The following NUDT19 variants were observed in gnomAD, a reference collection of about 807,000 sequenced individuals.
NUDT19 encodes nudix hydrolase 19.
NUDT19 carries 31 observed loss-of-function variants against 22.2 expected under a neutral mutation model. The ratio of observed to expected loss-of-function variants is 1.40; its 90% CI spans 1.05 to 1.89. The LOEUF is 1.89. Among genes scored for constraint, NUDT19 ranks in the 40% most tolerant of loss-of-function variants. The probability of loss-of-function intolerance (pLI) is 0.00; values close to 1 mark genes in which losing one functional copy is unlikely to be tolerated. For synonymous variants in NUDT19, 325 were observed against 230.8 expected (o/e 1.41, Z -3.70); for missense variants, 752 against 514.2 (o/e 1.46, Z -4.47).
At chr19:32,708,735 C>CT (rs1184958019) in intron 1 of NUDT19, among the ~76,000 whole-genome samples, 4 of 152,300 alleles carry the variant, frequency 2.6e-5, no homozygotes, top group African/African-American at 9.6e-5. Context: ...CCCATAGGGC[C>CT]TAGGAGAGCT....
intron 1 of NUDT19, among the ~76,000 whole-genome samples, chr19:32,694,487 G>C (rs556530227): frequency 6.6e-6 from 1 of 152,230 alleles, no homozygotes; most frequent in African/African-American, 2.4e-5. Context: ...GAGAGTGTGT[G>C]GTAGTAAGAT....
intron 1 of NUDT19, among the ~76,000 whole-genome samples, chr19:32,700,899 G>A (rs1568433283): frequency 6.6e-6 from 1 of 152,026 alleles, no homozygotes; most frequent in Non-Finnish European, 1.5e-5. Flanking sequence ...ACTTAGCTGG[G>A]CATGGTGGTA....
chr19:32,696,080 GACTACT>G (rs1968260393), intron 1 of NUDT19, among the ~76,000 whole-genome samples: 1 of 152,148 alleles, frequency 6.6e-6, no homozygotes, highest in Non-Finnish European at 1.5e-5. Context: ...CATAAGTCTG[GACTACT>G]ACCTGTTGGC....
intron 1 of NUDT19, among the ~76,000 whole-genome samples, chr19:32,708,855 C>G (rs768423161): frequency 6.6e-6 from 1 of 152,084 alleles, no homozygotes; most frequent in Non-Finnish European, 1.5e-5. Flanking sequence ...CCTTCAGAGT[C>G]TTTCTTCTTT....
In NUDT19 at chr19:32,709,372, G is replaced by T. The variant is rs1330111591; in HGVS notation, c.902G>T (p.Gly301Val). 6.2e-7 allele frequency: 1 copy of T among 1,614,034 alleles called. No individual in the cohort carries two copies. Among genetic ancestry groups the T allele is most frequent in the Admixed American group, 1.7e-5 (1 of 59,998 alleles). Residue 301 changes from glycine to valine, a missense_variant, in exon 2 of 3, where the codon GGG (glycine) becomes GTG (valine). Transcript: ENST00000397061. ...WLPIILLTAD[G>V]MVHLLPGDEL... ...CCGATCATCTTGTTAACTGCTGATG[G>T]GATGGTCCATCTTTTACCAGGTAAA... is the stretch of plus-strand genomic sequence containing the variant.
At position 32,692,483 on chromosome 19, in the gene NUDT19, C is replaced by T. The variant is rs1396273280; in HGVS notation, c.523C>T (p.Pro175Ser). The change falls in exon 1 of 3, where the codon CCG (proline) becomes TCG (serine). Residue 175 changes from proline (P) to serine (S), a missense_variant. Transcript: ENST00000397061. Reference sequence around the variant, plus strand: ...CTGGCGCGACCGCGTGCGCCAGGACCCGCGCCACTTCCTGCGGCTGTGCGC... The same window carrying T: ...CTGGCGCGACCGCGTGCGCCAGGACTCGCGCCACTTCCTGCGGCTGTGCGC... ...ASWRDRVRQD[P>S]RHFLRLCAHL... is the part of the protein sequence containing the mutation. 18 of 1,553,554 alleles carry T rather than the reference C, an allele frequency of 1.2e-5. No homozygotes were observed. The highest frequency in any genetic ancestry group is 1.7e-4 in the Middle Eastern group (1 of 5,846).
chr19:32,692,225 T>A lies in NUDT19; in HGVS notation c.265T>A (p.Phe89Ile). 1 of 1,584,796 alleles carries A rather than the reference T, an allele frequency of 6.3e-7. No individual in the cohort carries two copies. The highest frequency in any genetic ancestry group is 8.5e-7 in the Non-Finnish European group (1 of 1,174,356). Residue 89 changes from phenylalanine to isoleucine, a missense_variant, in exon 1 of 3, where the codon TTC (phenylalanine) becomes ATC (isoleucine). By Grantham distance (21) the Phe-to-Ile change is conservative. Coordinates refer to ENST00000397061, the MANE Select transcript of NUDT19 (RefSeq NM_001105570.2). ...LFAPHHGPPR[F>I]GLGPAPFSRT... ...CGCGCCGCACCACGGGCCGCCGCGC[T>A]TCGGCCTGGGCCCGGCGCCATTCAG...
rs746029837 is a variant in NUDT19, at chr19:32,709,410, C to T, written c.922+18C>T. On this transcript the variant is annotated intron_variant, in intron 2 of 2. Transcript: ENST00000397061. ...TTTACCAGGTAAACCAGTGAAGCAT[C>T]GGTGCTTTTGTTAGTATTCACATTC... The T allele has an allele frequency of 7.5e-6, 12 of 1,606,488 alleles. No homozygotes were observed. Among genetic ancestry groups the T allele is most frequent in the African/African-American group, 4.0e-5 (3 of 74,802 alleles).
rs765164763 is a variant in NUDT19 at position 32,692,071 on chromosome 19, G to T, written c.111G>T (p.Pro37=). The T allele has an allele frequency of 2.1e-4, 274 of 1,298,554 alleles. 1 individual carries two copies. In the East Asian group the frequency reaches 8.4e-3, roughly 40 times the overall value. The allele number at this position is 1,298,554 out of a possible 1,614,324, so 80.4% of individuals were successfully genotyped here. The part of the protein sequence containing the change: ...PETATPPSRP[P]PAEGFRLLLL... ...CCGCCACCCCGCCGTCGCGCCCGCCGCCGGCCGAGGGCTTCCGGCTGCTGC... is the reference window on the plus strand; with the variant it reads ...CCGCCACCCCGCCGTCGCGCCCGCCTCCGGCCGAGGGCTTCCGGCTGCTGC... The change falls in exon 1 of 3, where the codon CCG becomes CCT. Residue 37 remains proline (P), a synonymous_variant. Transcript: ENST00000397061.
At position 32,691,874 on chromosome 19, in the gene NUDT19, C is replaced by T; in HGVS notation, c.-87C>T. 1.4e-6 allele frequency: 1 copy of T among 724,926 alleles called. No homozygotes were observed. The highest frequency in any genetic ancestry group is 1.9e-6 in the Non-Finnish European group (1 of 537,678). 44.9% of individuals were successfully genotyped at this position (724,926 alleles called of 1,614,324 possible). On this transcript the variant is annotated 5_prime_UTR_variant, in exon 1 of 3. Coordinates refer to ENST00000397061, the MANE Select transcript of NUDT19 (RefSeq NM_001105570.2). ...GCTCGTCCTCAATTCCCGCGAGGCC[C>T]CCGGAGGTGCTGGGGTCCCTGCAGG... is the stretch of plus-strand genomic sequence containing the variant.
At chr19:32,706,143 G>A (rs758356041) in intron 1 of NUDT19, among the ~76,000 whole-genome samples, 45 of 152,236 alleles carry the variant, frequency 3.0e-4, no homozygotes, top group Non-Finnish European at 4.6e-4. Context: ...GGTCTCATGT[G>A]GTTTCACCTT....
intron 1 of NUDT19, among the ~76,000 whole-genome samples, chr19:32,699,606 C>T (rs1968309376): frequency 6.6e-6 from 1 of 152,184 alleles, no homozygotes; most frequent in Admixed American, 6.5e-5. Context: ...AACTGGCCAA[C>T]ATGTCCCCAT....
chr19:32,692,281 C>T lies in NUDT19; in HGVS notation c.321C>T (p.Thr107=), dbSNP rs192362382. Residue 107 remains threonine (T), a synonymous_variant, in exon 1 of 3, where the codon ACC becomes ACT. Transcript: ENST00000397061. ...SRTAFPSLPD[T]DDHKTDNTGT... is the part of the protein sequence containing the mutation. ...CCGCTTTCCCGTCGCTGCCCGACAC[C>T]GATGACCACAAGACCGACAACACTG... 4.4e-6 allele frequency: 7 copies of T among 1,592,924 alleles called. No homozygotes were observed. Among genetic ancestry groups the T allele is most frequent in the African/African-American group, 1.4e-5 (1 of 73,790 alleles).
intron 1 of NUDT19, among the ~76,000 whole-genome samples, chr19:32,708,571 C>T (rs7256355): frequency 2.0e-5 from 3 of 151,998 alleles, no homozygotes; most frequent in Admixed American, 2.0e-4. Flanking sequence ...CAAATACTGC[C>T]TGGCTGAAAC....
intron 1 of NUDT19, among the ~76,000 whole-genome samples, chr19:32,699,146 G>A (rs923724696): frequency 2.6e-5 from 4 of 152,196 alleles, no homozygotes; most frequent in South Asian, 4.1e-4. Context: ...TCTGATTGGT[G>A]AGCCCGGGTG....
rs1348035746 is a variant in NUDT19 at position 32,713,283 on chromosome 19, C to T, written c.*1326C>T. ...TCAAGCGATTTTTCTGCCTCAGCCTCCCGAGTAGCTGGGATTACAGGCACC... is the reference window on the plus strand; with the variant it reads ...TCAAGCGATTTTTCTGCCTCAGCCTTCCGAGTAGCTGGGATTACAGGCACC... On this transcript the variant is annotated 3_prime_UTR_variant, in exon 3 of 3. Transcript: ENST00000397061. The T allele has an allele frequency of 6.6e-6, 1 of 152,204 alleles. No homozygotes were observed. Among genetic ancestry groups the T allele is most frequent in the Non-Finnish European group, 1.5e-5 (1 of 68,070 alleles). The allele number at this position is 152,204 out of a possible 1,614,324, so 9.4% of individuals were successfully genotyped here.
chr19:32,699,856 G>A (rs562343836), intron 1 of NUDT19, among the ~76,000 whole-genome samples: 3 of 152,022 alleles, frequency 2.0e-5, no homozygotes, highest in Non-Finnish European at 4.4e-5. Flanking sequence ...CAGATATTCA[G>A]ATGTGTCCGG....
chr19:32,692,975 C>T (rs913539507), intron 1 of NUDT19, among the ~76,000 whole-genome samples: 2 of 152,226 alleles, frequency 1.3e-5, no homozygotes, highest in Admixed American at 1.3e-4. Flanking sequence ...TACATCTCCA[C>T]AGCCGTTTAA....
In NUDT19 at chr19:32,709,391, AG is replaced by A. The variant is rs1568435272; in HGVS notation, c.922+1del. On this transcript the variant is annotated frameshift_variant and splice_region_variant, in exon 2 of 3. Transcript: ENST00000397061. LOFTEE classifies it low-confidence loss of function (END_TRUNC). Reference sequence around the variant, plus strand: ...CTGATGGGATGGTCCATCTTTTACCAGGTAAACCAGTGAAGCATCGGTGCTT... The same window carrying A: ...CTGATGGGATGGTCCATCTTTTACCAGTAAACCAGTGAAGCATCGGTGCTT... Reference protein sequence around the residue: ...TADGMVHLLPGDELYLEDSDF... With the variant: ...TADGMVHLLPXDELYLEDSDF... 6.2e-7 allele frequency: 1 copy of A among 1,613,276 alleles called. No homozygotes were observed. The highest frequency in any genetic ancestry group is 1.3e-5 in the African/African-American group (1 of 74,922).
Sources: gnomAD v4.1 joint callset for allele counts (sites outside exome capture counted in the v4.1 genomes callset) on GRCh38, gnomAD v4.1.1 for gene constraint, MANE v1.5 for transcripts, NCBI Gene and HGNC (gene_info 2026-07-23, HGNC 2026-07-21) for gene names.